RGS20: variants seen among roughly 807,000 people sequenced by gnomAD.
The protein encoded by RGS20 is regulator of G protein signaling 20.
Under a neutral mutation model 33.6 loss-of-function variants are expected in RGS20, and 30 were observed. That is an observed-to-expected ratio of 0.89 (90% confidence interval 0.67 to 1.21). RGS20 has a LOEUF of 1.21. Ranked by LOEUF, RGS20 falls within the 50% of genes most tolerant of loss-of-function variation. The pLI is 0.00. For missense variants in RGS20, 472 were observed against 502.4 expected (o/e 0.94, Z 0.58); for synonymous variants, 208 against 197.9 (o/e 1.05, Z -0.43).
At chr8:53,901,008 C>T (rs1426001727) in intron 2 of RGS20, among the ~76,000 whole-genome samples, 14 of 151,880 alleles carry the variant, frequency 9.2e-5, no homozygotes, top group Admixed American at 6.6e-4. Context: ...TCCCACTGTA[C>T]TCTCTCGACC....
intron 4 of RGS20, among the ~76,000 whole-genome samples, chr8:53,950,290 G>A (rs1252428443): frequency 1.3e-5 from 2 of 152,184 alleles, no homozygotes; most frequent in Non-Finnish European, 2.9e-5. Flanking sequence ...TAGTGAACCT[G>A]AAGGTATCCA....
At position 53,879,533 on chromosome 8, in the gene RGS20, G is replaced by A. The variant is rs746579752; in HGVS notation, c.441G>A (p.Leu147=). The change falls in exon 2 of 6, where the codon CTG becomes CTA. Residue 147 remains leucine (L), a synonymous_variant. Coordinates refer to ENST00000297313, the MANE Select transcript of RGS20 (RefSeq NM_170587.4). ...GCCGACCCTCGGGGGGTCGTCCGCT[G>A]AGGCCCCCCCATCCGGTAGCCAAGC... 1.6e-5 allele frequency: 25 copies of A among 1,542,280 alleles called. No homozygotes were observed. In the South Asian group the frequency reaches 2.4e-4, roughly 15 times the overall value.
rs1334242553 is a variant in RGS20 at position 53,883,646 on chromosome 8, A to G, written c.510+4044A>G. 2.6e-5 allele frequency among the ~76,000 whole-genome samples: 4 copies of G among 152,158 alleles called. No individual in the cohort carries two copies. In the East Asian group the frequency reaches 7.7e-4, roughly 29 times the overall value. On this transcript the variant is annotated intron_variant, in intron 2 of 5. Transcript: ENST00000297313. ...TCTGTGAAATGGGGGTAATAAGAGCACCTACCTCGGCAGCTCAGCAGAGCA... is the reference window on the plus strand; with the variant it reads ...TCTGTGAAATGGGGGTAATAAGAGCGCCTACCTCGGCAGCTCAGCAGAGCA...
intron 1 of RGS20, among the ~76,000 whole-genome samples, chr8:53,870,504 C>T (rs143624837): frequency 6.6e-6 from 1 of 152,306 alleles, no homozygotes; most frequent in East Asian, 1.9e-4. Context: ...ATCTTTGGAA[C>T]AGTATTAGGA....
chr8:53,902,052 C>T (rs1206582369), intron 2 of RGS20, among the ~76,000 whole-genome samples: 3 of 152,056 alleles, frequency 2.0e-5, no homozygotes. Context: ...GGGTCTCGCT[C>T]TGTCACCCAG....
intron 1 of RGS20, among the ~76,000 whole-genome samples, chr8:53,858,674 C>G (rs16919597): frequency 6.6e-6 from 1 of 151,714 alleles, no homozygotes; most frequent in Non-Finnish European, 1.5e-5. Context: ...GTGAAAAGGG[C>G]GATGGCACAT....
intron 2 of RGS20, among the ~76,000 whole-genome samples, chr8:53,938,748 G>T (rs1299208622): frequency 6.6e-6 from 1 of 152,116 alleles, no homozygotes; most frequent in Non-Finnish European, 1.5e-5. Flanking sequence ...AACGTAAAAT[G>T]GGCTTAGCAA....
chr8:53,868,147 G>C (rs1007235083), intron 1 of RGS20, among the ~76,000 whole-genome samples: 4 of 152,190 alleles, frequency 2.6e-5, no homozygotes, highest in Admixed American at 2.6e-4. Flanking sequence ...TCAACCTCCT[G>C]TGTAGGCTTG....
intron 2 of RGS20, among the ~76,000 whole-genome samples, chr8:53,907,762 C>T (rs1813225254): frequency 6.6e-6 from 1 of 151,936 alleles, no homozygotes; most frequent in Non-Finnish European, 1.5e-5. Flanking sequence ...GGCAAGCTTA[C>T]ACTTTGCATT....
At chr8:53,930,454 G>A (rs1207597009) in intron 2 of RGS20, among the ~76,000 whole-genome samples, 1 of 152,186 alleles carries the variant, frequency 6.6e-6, no homozygotes, top group Non-Finnish European at 1.5e-5. Context: ...ACCCAGTGTG[G>A]CCAAGATGTT....
chr8:53,939,805 A>C, intron 3 of RGS20, 81 bp downstream of exon 2: 1 of 1,429,930 alleles, frequency 7.0e-7, no homozygotes, highest in Non-Finnish European at 9.3e-7. Flanking sequence ...GCACCCCTGA[A>C]AGTGGTGGCA....
At chr8:53,916,518 C>T (rs940083354) in intron 2 of RGS20, among the ~76,000 whole-genome samples, 2 of 152,142 alleles carry the variant, frequency 1.3e-5, no homozygotes, top group African/African-American at 4.8e-5. Context: ...AAGATATTAT[C>T]TGTTTTCTTC....
intron 4 of RGS20, among the ~76,000 whole-genome samples, chr8:53,952,334 G>C (rs1814735828): frequency 6.9e-6 from 1 of 144,118 alleles, no homozygotes; most frequent in Non-Finnish European, 1.5e-5. Flanking sequence ...GGGCAACAGA[G>C]CAATACTCTG....
At chr8:53,940,784 G>A (rs1181994246) in intron 3 of RGS20, among the ~76,000 whole-genome samples, 1 of 152,224 alleles carries the variant, frequency 6.6e-6, no homozygotes, top group Non-Finnish European at 1.5e-5. Context: ...GCAGTGTCAA[G>A]GTGAGACTTC....
chr8:53,881,523 G>A (rs1812384118), intron 2 of RGS20, among the ~76,000 whole-genome samples: 1 of 152,132 alleles, frequency 6.6e-6, no homozygotes, highest in Non-Finnish European at 1.5e-5. Context: ...TTGGGCGCCC[G>A]GGGCTGGTGG....
intron 5 of RGS20, among the ~76,000 whole-genome samples, chr8:53,957,917 C>A (rs1213288851): frequency 1.3e-5 from 2 of 152,034 alleles, no homozygotes; most frequent in African/African-American, 4.8e-5. Flanking sequence ...GAGGCCGAGG[C>A]GGGCGGATAA....
intron 2 of RGS20, among the ~76,000 whole-genome samples, chr8:53,933,478 G>A (rs2129289157): frequency 6.6e-6 from 1 of 152,240 alleles, no homozygotes; most frequent in African/African-American, 2.4e-5. Context: ...AGTATCAATA[G>A]CCGAATTGAT....
chr8:53,858,150 C>A (rs1462229860), intron 1 of RGS20, among the ~76,000 whole-genome samples: 1 of 152,146 alleles, frequency 6.6e-6, no homozygotes, highest in Admixed American at 6.6e-5. Context: ...ACCTAAGATA[C>A]CAGCTAATGC....
chr8:53,931,875 C>G (rs532003521), intron 2 of RGS20, among the ~76,000 whole-genome samples: 19 of 152,254 alleles, frequency 1.2e-4, no homozygotes, highest in South Asian at 8.3e-4. Context: ...CCGACCCAGA[C>G]AGTACTCTTT....
Sources: gnomAD v4.1 joint callset for allele counts (sites outside exome capture counted in the v4.1 genomes callset) on GRCh38, gnomAD v4.1.1 for gene constraint, MANE v1.5 for transcripts, NCBI Gene and HGNC (gene_info 2026-07-23, HGNC 2026-07-21) for gene names.